The following KRABD5 variants were observed in gnomAD, a reference collection of about 807,000 sequenced individuals.
The protein encoded by KRABD5 is KRAB domain-containing protein 5.
chr16:31,725,202 G>T, the KRABD5 span, among the ~76,000 whole-genome samples: 1 of 152,070 alleles, frequency 6.6e-6, no homozygotes, highest in South Asian at 2.1e-4. Context: ...TACAACCTCC[G>T]CTTCCTGGGT....
At chr16:31,724,235 A>AT in the KRABD5 span, among the ~76,000 whole-genome samples, 5 of 147,060 alleles carry the variant, frequency 3.4e-5, no homozygotes, top group East Asian at 2.0e-4. Flanking sequence ...TTTCATGTGG[A>AT]TTTTTTTCCC....
chr16:31,723,091 G>A, the KRABD5 span, among the ~76,000 whole-genome samples: 1 of 152,184 alleles, frequency 6.6e-6, no homozygotes, highest in African/African-American at 2.4e-5. Flanking sequence ...CAGGATTCCT[G>A]TGTTTAAAAT....
the KRABD5 span, among the ~76,000 whole-genome samples, chr16:31,715,839 T>A: frequency 1.3e-5 from 2 of 152,054 alleles, no homozygotes; most frequent in Admixed American, 6.6e-5. Context: ...GGAGAGAGAC[T>A]CTGGGTGTCT....
At chr16:31,718,985 G>T in the KRABD5 span, among the ~76,000 whole-genome samples, 1 of 152,234 alleles carries the variant, frequency 6.6e-6, no homozygotes, top group African/African-American at 2.4e-5. Flanking sequence ...GTATCCAAAT[G>T]GGATTTGCTC....
At chr16:31,748,672 T>C in the KRABD5 span, among the ~76,000 whole-genome samples, 1 of 152,240 alleles carries the variant, frequency 6.6e-6, no homozygotes, top group Non-Finnish European at 1.5e-5. Context: ...GAAGAGGCAC[T>C]CTGGCTTTTG....
the KRABD5 span, chr16:31,755,384 A>G: frequency 4.0e-6 from 2 of 502,694 alleles, no homozygotes; most frequent in Admixed American, 2.1e-5. Context: ...GAAACCCTAC[A>G]TATGTAAAGA....
the KRABD5 span, among the ~76,000 whole-genome samples, chr16:31,717,899 C>CT: frequency 6.6e-6 from 1 of 152,070 alleles, no homozygotes; most frequent in Non-Finnish European, 1.5e-5. Context: ...TGTTTGGAAT[C>CT]TTTAATCCCT....
chr16:31,724,900 C>T, the KRABD5 span, among the ~76,000 whole-genome samples: 1 of 152,104 alleles, frequency 6.6e-6, no homozygotes, highest in Non-Finnish European at 1.5e-5. Context: ...TATGAACTCA[C>T]CTTTTTTTAG....
chr16:31,756,063 T>C, the KRABD5 span: 1 of 155,774 alleles, frequency 6.4e-6, no homozygotes, highest in Non-Finnish European at 1.4e-5. Flanking sequence ...AAGCAAATCA[T>C]AATTTAATTC....
At chr16:31,713,342 T>C in the KRABD5 span, 1 of 1,549,524 alleles carries the variant, frequency 6.5e-7, no homozygotes, top group Non-Finnish European at 8.8e-7. Flanking sequence ...GGCTTCGCGT[T>C]CTGAGAATAG....
the KRABD5 span, among the ~76,000 whole-genome samples, chr16:31,739,792 C>T: frequency 3.9e-5 from 6 of 152,260 alleles, no homozygotes; most frequent in South Asian, 4.1e-4. Context: ...ATGGCCATAA[C>T]GCCCATGCTG....
chr16:31,716,449 A>G, the KRABD5 span, among the ~76,000 whole-genome samples: 1 of 151,692 alleles, frequency 6.6e-6, no homozygotes, highest in East Asian at 1.9e-4. Context: ...TGGCATGATC[A>G]TGCAGTCTTG....
chr16:31,725,304 G>A, the KRABD5 span, among the ~76,000 whole-genome samples: 1 of 152,122 alleles, frequency 6.6e-6, no homozygotes, highest in Non-Finnish European at 1.5e-5. Flanking sequence ...TTTTAGTAGA[G>A]ACGGGGTTTC....
At chr16:31,744,721 TG>T in the KRABD5 span, among the ~76,000 whole-genome samples, 1 of 152,256 alleles carries the variant, frequency 6.6e-6, no homozygotes, top group Non-Finnish European at 1.5e-5. Context: ...ATTGTACTTC[TG>T]GTAGAATTCG....
At chr16:31,721,546 G>A in the KRABD5 span, among the ~76,000 whole-genome samples, 1 of 151,662 alleles carries the variant, frequency 6.6e-6, no homozygotes, top group Non-Finnish European at 1.5e-5. Context: ...TTTCAGGCTT[G>A]AGACAGAGAG....
At chr16:31,731,971 A>G in the KRABD5 span, among the ~76,000 whole-genome samples, 1 of 152,180 alleles carries the variant, frequency 6.6e-6, no homozygotes, top group African/African-American at 2.4e-5. Flanking sequence ...TTATTCAGGG[A>G]GCACAGACAA....
At chr16:31,758,119 T>G in the KRABD5 span, 1 of 152,076 alleles carries the variant, frequency 6.6e-6, no homozygotes, top group Non-Finnish European at 1.5e-5. Context: ...AGTTAGAAAA[T>G]ACAAGTTGAG....
the KRABD5 span, chr16:31,723,129 C>T: frequency 2.3e-5 from 23 of 1,001,436 alleles, no homozygotes; most frequent in South Asian, 1.8e-4. Context: ...AAGAAGCTGA[C>T]AGGAAACAGT....
At chr16:31,728,267 A>G in the KRABD5 span, among the ~76,000 whole-genome samples, 1 of 152,010 alleles carries the variant, frequency 6.6e-6, no homozygotes, top group African/African-American at 2.4e-5. Context: ...GATCTTTTCT[A>G]TTGCCTTTCT....
Sources: gnomAD v4.1 joint callset for allele counts (sites outside exome capture counted in the v4.1 genomes callset) on GRCh38, gnomAD v4.1.1 for gene constraint, MANE v1.5 for transcripts, NCBI Gene and HGNC (gene_info 2026-07-23, HGNC 2026-07-21) for gene names.